DOCK10: variants seen among roughly 807,000 people sequenced by gnomAD.
The protein encoded by DOCK10 is dedicator of cytokinesis 10, also known as dedicator of cytokinesis protein 10.
A neutral mutation model predicts 280.1 loss-of-function variants in DOCK10; 145 were observed. The ratio of observed to expected loss-of-function variants is 0.52; its 90% confidence interval spans 0.45 to 0.59. The LOEUF (loss-of-function observed/expected upper bound fraction) is 0.59. DOCK10 is among the 20% of genes least tolerant of loss of function. DOCK10 has a pLI of 0.00. For missense variants in DOCK10, 2,368 were observed against 2,651.7 expected (o/e 0.89, Z 2.35); for synonymous variants, 915 against 942.2 (o/e 0.97, Z 0.53).
At chr2:224,849,396 A>G (rs1268846691) in intron 19 of DOCK10, 111 bp downstream of exon 19, 5 of 676,544 alleles carry the variant, frequency 7.4e-6, no homozygotes, top group Non-Finnish European at 1.3e-5. Context: ...CTGCCAAGGC[A>G]TGTCCTTAGT....
At chr2:225,017,157 T>G (rs1485300838) in intron 1 of DOCK10, among the ~76,000 whole-genome samples, 1 of 151,450 alleles carries the variant, frequency 6.6e-6, no homozygotes, top group Non-Finnish European at 1.5e-5. Context: ...CTGATCTAAT[T>G]TGATCTATTA....
At chr2:224,953,872 C>A (rs781757057) in intron 1 of DOCK10, among the ~76,000 whole-genome samples, 2 of 151,990 alleles carry the variant, frequency 1.3e-5, no homozygotes, top group Non-Finnish European at 2.9e-5. Context: ...GATGAGCCAA[C>A]AATAACAGAG....
chr2:224,906,143 T>C (rs1220908771), intron 3 of DOCK10, among the ~76,000 whole-genome samples: 2 of 152,164 alleles, frequency 1.3e-5, no homozygotes, highest in Non-Finnish European at 2.9e-5. Context: ...ATGGGAGTCA[T>C]CATAAACACA....
At chr2:224,946,917 G>T (rs1703453073) in intron 1 of DOCK10, 1 of 1,542,828 alleles carries the variant, frequency 6.5e-7, no homozygotes, top group Non-Finnish European at 8.7e-7. Flanking sequence ...AAATTCACTG[G>T]GCTCCCGTTT....
Position 224,805,365 on chromosome 2 carries a change from C to T in DOCK10, c.3936+43G>A, listed in dbSNP as rs201679605. ...TCAGGATTGAGTGAGAGTGAGTGAC[C>T]TCTGCCTTGTAATGATCAGTAGGTT... On this transcript the variant is annotated intron_variant, in intron 35 of 55. Coordinates refer to ENST00000258390, the MANE Select transcript of DOCK10 (RefSeq NM_014689.3). This position sits in a 1 kb window ranked among gnomAD's most constrained non-coding sequence, Gnocchi z 4.3. 4.3e-6 allele frequency: 7 copies of T among 1,612,712 alleles called. No individual in the cohort carries two copies. In the African/African-American group the frequency reaches 5.3e-5, roughly 12 times the overall value.
chr2:224,916,432 T>C lies in DOCK10; in HGVS notation c.333+263A>G, dbSNP rs528673027. ...GGCGTGTGCCTGTAATCCCAGCTAC[T>C]TGGGAAGCTGAGGCACAAGAATTGC... On this transcript the variant is annotated intron_variant, in intron 3 of 55. Coordinates refer to ENST00000258390, the MANE Select transcript of DOCK10 (RefSeq NM_014689.3). Among the ~76,000 whole-genome samples the C allele has an allele frequency of 3.3e-5, 5 of 151,802 alleles. No homozygotes were observed. The East Asian group carries it at 7.8e-4, about 24-fold the overall frequency.
At chr2:224,940,376 T>C (rs1287717515) in intron 1 of DOCK10, among the ~76,000 whole-genome samples, 2 of 152,336 alleles carry the variant, frequency 1.3e-5, no homozygotes, top group East Asian at 3.9e-4. Flanking sequence ...TAATGAGATA[T>C]AATACAAGGA....
Position 224,770,241 on chromosome 2 carries a change from G to A in DOCK10, c.6414C>T (p.Leu2138=). The A allele has an allele frequency of 6.2e-7, 1 of 1,601,126 alleles. No individual in the cohort carries two copies. Among genetic ancestry groups the A allele is most frequent in the Non-Finnish European group, 8.5e-7 (1 of 1,173,958 alleles). The change falls in exon 55 of 56, where the codon CTC becomes CTT. Residue 2138 remains leucine (L), a synonymous_variant. Coordinates refer to ENST00000258390, the MANE Select transcript of DOCK10 (RefSeq NM_014689.3). The surrounding 1 kb of genome is among the most constrained non-coding windows in gnomAD (Gnocchi z 4.5). ...EELRSHYKDM[L]SELSTVMNEQ... is the part of the protein sequence containing the mutation. ...CATTCATGACTGTGGAGAGTTCGCT[G>A]AGCATGTCCTTGTAGTGGGACCTCA...
At chr2:225,035,572 A>AT (rs397869895) in intron 1 of DOCK10, among the ~76,000 whole-genome samples, 4,633 of 69,914 alleles carry the variant, frequency 0.066, 653 homozygotes, top group East Asian at 0.22. Flanking sequence ...ATATATATAT[A>AT]TATATATATA....
rs1352667081 is a variant in DOCK10 at position 224,807,916 on chromosome 2, C to T, written c.3580G>A (p.Glu1194Lys). 1.2e-6 allele frequency: 2 copies of T among 1,611,528 alleles called. No individual in the cohort carries two copies. Among genetic ancestry groups the T allele is most frequent in the Admixed American group, 1.7e-5 (1 of 59,760 alleles). Residue 1194 changes from glutamate to lysine, a missense_variant, in exon 32 of 56, where the codon GAG (glutamate) becomes AAG (lysine). By Grantham distance (56) the Glu-to-Lys change is moderately conservative. Coordinates refer to ENST00000258390, the MANE Select transcript of DOCK10 (RefSeq NM_014689.3). ...GAGAAAGGAAGATCACTTACTGGCT[C>T]TCTGTATCGATCATCAAATGAATGC... ...AKHSFDDRYR[E>K]PRKQAQIASL...
At chr2:224,843,755 A>G (rs1440152401) in intron 22 of DOCK10, among the ~76,000 whole-genome samples, 4 of 152,228 alleles carry the variant, frequency 2.6e-5, no homozygotes, top group South Asian at 2.1e-4. Context: ...GAAAACTCAC[A>G]TTGTGGTAAA....
chr2:224,776,238 GA>G (rs1690854827), intron 51 of DOCK10, among the ~76,000 whole-genome samples: 1 of 152,108 alleles, frequency 6.6e-6, no homozygotes. Context: ...CCAGAGATTT[GA>G]GGGACCTCCT....
intron 19 of DOCK10, 89 bp from the exon 20 acceptor site, chr2:224,845,731 T>A (rs1696307746): frequency 2.5e-6 from 3 of 1,189,074 alleles, no homozygotes; most frequent in Non-Finnish European, 3.5e-6. Context: ...TAAACAATCT[T>A]TTTTTTTTTT....
chr2:224,934,971 G>A (rs997411343), intron 1 of DOCK10, among the ~76,000 whole-genome samples: 1 of 152,164 alleles, frequency 6.6e-6, no homozygotes, highest in Non-Finnish European at 1.5e-5. Flanking sequence ...CACCACAGTG[G>A]TGAGAGGCCC....
chr2:224,886,823 C>T (rs879321095), intron 4 of DOCK10, among the ~76,000 whole-genome samples: 3 of 152,010 alleles, frequency 2.0e-5, no homozygotes, highest in Non-Finnish European at 2.9e-5. Context: ...GGCATGATCT[C>T]GGCTCACTGC....
intron 1 of DOCK10, among the ~76,000 whole-genome samples, chr2:224,956,773 GCACTACCTCC>G (rs1483244000): frequency 6.6e-6 from 1 of 152,024 alleles, no homozygotes; most frequent in Non-Finnish European, 1.5e-5. Flanking sequence ...GCCCTCTGTG[GCACTACCTCC>G]CAACACAAAC....
At chr2:224,937,127 A>G (rs1317016483) in intron 1 of DOCK10, among the ~76,000 whole-genome samples, 1 of 152,176 alleles carries the variant, frequency 6.6e-6, no homozygotes, top group Admixed American at 6.5e-5. Flanking sequence ...CTCTGTAGGG[A>G]ACCATCAACA....
intron 41 of DOCK10, among the ~76,000 whole-genome samples, chr2:224,799,817 T>C (rs1406621121): frequency 2.6e-5 from 4 of 152,176 alleles, no homozygotes; most frequent in Non-Finnish European, 5.9e-5. Context: ...AAATTTAATA[T>C]ATAGGCCCAT....
chr2:224,772,065 C>T (rs1236244343), intron 53 of DOCK10, among the ~76,000 whole-genome samples: 1 of 152,036 alleles, frequency 6.6e-6, no homozygotes, highest in African/African-American at 2.4e-5. Context: ...GGATTACAGG[C>T]GTGTGCCACC....
Sources: allele counts gnomAD v4.1 joint callset (sites outside exome capture counted in the v4.1 genomes callset), GRCh38; gene constraint gnomAD v4.1.1; non-coding constraint Gnocchi (gnomAD v3.1); transcripts MANE v1.5; gene names NCBI Gene and HGNC (gene_info 2026-07-23, HGNC 2026-07-21).